WDFY3: variants seen among roughly 807,000 people sequenced by gnomAD.
WDFY3 encodes the protein WD repeat and FYVE domain containing 3.
In WDFY3, 66 loss-of-function variants were observed where a neutral mutation model predicts 409.6. That is an observed-to-expected ratio of 0.16 (90% CI 0.13 to 0.20). WDFY3 has a LOEUF of 0.20. Ranked by LOEUF, WDFY3 falls within the 10% of genes least tolerant of loss-of-function variation. The pLI is 1.00. For missense variants in WDFY3, 3,031 were observed against 4,298.1 expected, an observed-to-expected ratio of 0.71 and a Z score of 8.24; for synonymous variants, 1,521 against 1,537.1, an observed-to-expected ratio of 0.99 and a Z score of 0.25.
At chr4:84,734,439 G>A (rs1299577795) in intron 43 of WDFY3, among the ~76,000 whole-genome samples, 1 of 152,070 alleles carries the variant, frequency 6.6e-6, no homozygotes, top group Non-Finnish European at 1.5e-5. Context: ...GGAAACTAAG[G>A]ATCTAGTGTT....
chr4:84,920,121 T>A (rs1561078023), intron 2 of WDFY3, among the ~76,000 whole-genome samples: 1 of 152,120 alleles, frequency 6.6e-6, no homozygotes, highest in South Asian at 2.1e-4. Flanking sequence ...ACTTTTAAAA[T>A]GTCATATAAT....
chr4:84,698,219 A>G (rs1322126056), intron 56 of WDFY3, among the ~76,000 whole-genome samples: 2 of 151,954 alleles, frequency 1.3e-5, no homozygotes, highest in African/African-American at 4.8e-5. Context: ...ATGCAATTTT[A>G]AAATGACATA....
intron 3 of WDFY3, among the ~76,000 whole-genome samples, chr4:84,896,235 A>G (rs986118994): frequency 3.9e-5 from 6 of 152,092 alleles, no homozygotes; most frequent in Non-Finnish European, 5.9e-5. Flanking sequence ...CAGCCTGGCA[A>G]CAGAGCGACA....
At chr4:84,720,981 G>T (rs1734777751) in intron 47 of WDFY3, among the ~76,000 whole-genome samples, 1 of 152,204 alleles carries the variant, frequency 6.6e-6, no homozygotes, top group South Asian at 2.1e-4. Flanking sequence ...TCTTCTGTGA[G>T]TGAAGGAGAG....
At chr4:84,675,524 C>A (rs1179678125) in intron 67 of WDFY3, among the ~76,000 whole-genome samples, 2 of 152,122 alleles carry the variant, frequency 1.3e-5, no homozygotes, top group African/African-American at 2.4e-5. Flanking sequence ...GTCTTCTTAC[C>A]CACATTTACA....
At chr4:84,676,013 T>A (rs1726220240) in intron 67 of WDFY3, among the ~76,000 whole-genome samples, 1 of 152,196 alleles carries the variant, frequency 6.6e-6, no homozygotes, top group African/African-American at 2.4e-5. Flanking sequence ...ATCTTTGTGA[T>A]CCTAGGACAG....
At chr4:84,893,584 C>T (rs1328095168) in intron 3 of WDFY3, among the ~76,000 whole-genome samples, 2 of 152,214 alleles carry the variant, frequency 1.3e-5, no homozygotes, top group Non-Finnish European at 2.9e-5. Flanking sequence ...GGTACACCTA[C>T]AGAACTTAAA....
intron 61 of WDFY3, among the ~76,000 whole-genome samples, chr4:84,689,066 T>A (rs1217877433): frequency 2.0e-5 from 3 of 152,256 alleles, no homozygotes; most frequent in African/African-American, 7.2e-5. Flanking sequence ...TGGCTTCATC[T>A]GCCGCCTTCC....
chr4:84,839,773 G>A (rs1023246344), intron 6 of WDFY3, among the ~76,000 whole-genome samples: 3 of 151,892 alleles, frequency 2.0e-5, no homozygotes, highest in African/African-American at 4.8e-5. Flanking sequence ...CAAGAGAATC[G>A]CTTGAATCTG....
intron 47 of WDFY3, among the ~76,000 whole-genome samples, chr4:84,721,088 C>G (rs1560597619): frequency 6.6e-6 from 1 of 152,180 alleles, no homozygotes; most frequent in Non-Finnish European, 1.5e-5. Flanking sequence ...GAAAAAAATA[C>G]AAGGCCAGAT....
chr4:84,823,132 T>C (rs982876727), intron 10 of WDFY3, among the ~76,000 whole-genome samples: 2 of 152,184 alleles, frequency 1.3e-5, no homozygotes, highest in African/African-American at 4.8e-5. Flanking sequence ...CAGTGTGGTA[T>C]TGGCTTAAGG....
chr4:84,928,376 C>T (rs1770288600), intron 2 of WDFY3, among the ~76,000 whole-genome samples: 1 of 152,178 alleles, frequency 6.6e-6, no homozygotes, highest in Non-Finnish European at 1.5e-5. Flanking sequence ...CTCCAGCTTC[C>T]AGACAGCCTA....
At chr4:84,733,277 T>A in intron 44 of WDFY3, 105 bp downstream of exon 44, 2 of 1,284,804 alleles carry the variant, frequency 1.6e-6, no homozygotes, top group East Asian at 2.3e-5. Flanking sequence ...GTTGAATTTT[T>A]AAAATTAGCT....
intron 2 of WDFY3, among the ~76,000 whole-genome samples, chr4:84,911,547 T>C (rs1767793005): frequency 6.6e-6 from 1 of 152,156 alleles, no homozygotes; most frequent in Non-Finnish European, 1.5e-5. Context: ...CTGAAGAAGA[T>C]ATATACACTT....
intron 27 of WDFY3, among the ~76,000 whole-genome samples, chr4:84,776,229 G>A (rs1402104616): frequency 6.6e-6 from 1 of 151,900 alleles, no homozygotes; most frequent in Non-Finnish European, 1.5e-5. Context: ...TTCAAAGATA[G>A]ACTGAATTGT....
rs768453863 is a variant in WDFY3 at position 84,808,333 on chromosome 4, C to T, written c.2429+1G>A. ...ACTGACTTCTCTTATATGATCAGTA[C>T]CTTTTCCTGGACAAAGCTGGTGTAC... On this transcript the variant is annotated splice_donor_variant, in intron 15 of 67. Coordinates refer to ENST00000295888, the MANE Select transcript of WDFY3 (RefSeq NM_014991.6). LOFTEE classifies it high-confidence loss of function. The T allele has an allele frequency of 4.1e-5, 66 of 1,612,728 alleles. No individual in the cohort carries two copies. Among genetic ancestry groups the T allele is most frequent in the Non-Finnish European group, 5.4e-5 (64 of 1,179,074 alleles).
intron 32 of WDFY3, among the ~76,000 whole-genome samples, chr4:84,759,629 G>T (rs1383932331): frequency 2.3e-4 from 34 of 148,876 alleles, no homozygotes; most frequent in African/African-American, 8.2e-4. Flanking sequence ...GTATAAGAAT[G>T]CTTGTGATTT....
intron 2 of WDFY3, among the ~76,000 whole-genome samples, chr4:84,916,681 A>G (rs989391555): frequency 1.3e-5 from 2 of 152,218 alleles, no homozygotes; most frequent in Non-Finnish European, 2.9e-5. Context: ...ATCTCTAGTC[A>G]TTCTGCCAAA....
chr4:84,864,658 C>A (rs2150246128), intron 3 of WDFY3, among the ~76,000 whole-genome samples: 1 of 152,208 alleles, frequency 6.6e-6, no homozygotes, highest in Middle Eastern at 3.4e-3. Context: ...AGAGAGGCCC[C>A]CAAGATAACA....
Sources: allele counts gnomAD v4.1 joint callset (sites outside exome capture counted in the v4.1 genomes callset), GRCh38; gene constraint gnomAD v4.1.1; transcripts MANE v1.5; gene names NCBI Gene and HGNC (gene_info 2026-07-23, HGNC 2026-07-21).